Variants in DAPK2 observed in about 807,000 individuals in gnomAD.
DAPK2 encodes death-associated protein kinase 2.
A neutral mutation model predicts 44.1 loss-of-function variants in DAPK2; 35 were observed. The observed-to-expected ratio is 0.79, with a 90% CI of 0.61 to 1.05. DAPK2 has a LOEUF of 1.05. DAPK2 is among the 50% of genes least tolerant of loss of function. The probability of loss-of-function intolerance (pLI) is 0.00; values close to 1 mark genes in which losing one functional copy is unlikely to be tolerated. For missense variants in DAPK2, 453 were observed against 483.2 expected (o/e 0.94, Z 0.59); for synonymous variants, 174 against 182.6 (o/e 0.95, Z 0.38).
In DAPK2 at chr15:63,912,189, G is replaced by T; in HGVS notation, c.867C>A (p.Asp289Glu). Residue 289 changes from aspartate (D) to glutamate (E), a missense_variant, in exon 9 of 11, where the codon GAC becomes GAA. By Grantham distance (45) the Asp-to-Glu change is conservative. Coordinates refer to ENST00000261891, the Ensembl canonical transcript of DAPK2. The surrounding 1 kb of genome is among the most constrained non-coding windows in gnomAD (Gnocchi z 4.4). ...CCCTGCGCACCATGGCTTGCTGGTT[G>T]TCCACCGGCTGAGAGACAAAGCAGA... The T allele has an allele frequency of 6.8e-6, 11 of 1,613,594 alleles. No individual in the cohort carries two copies. The highest frequency in any genetic ancestry group is 9.3e-6 in the Non-Finnish European group (11 of 1,179,862).
At position 63,912,959 on chromosome 15, in the gene DAPK2, G is replaced by T. The variant is rs11858057; in HGVS notation, c.859-762C>A. Among the ~76,000 whole-genome samples, 1 of 152,018 alleles carries T rather than the reference G, an allele frequency of 6.6e-6. No homozygotes were observed. Among genetic ancestry groups the T allele is most frequent in the African/African-American group, 2.4e-5 (1 of 41,358 alleles). On this transcript the variant is annotated intron_variant, in intron 8 of 10. Transcript: ENST00000261891. This position sits in a 1 kb window ranked among gnomAD's most constrained non-coding sequence, Gnocchi z 4.4. ...TTGTGAAATCAAGAGATAGGTTTCA[G>T]GGGTTCTGTGAACAAAATGTGCCTA...
At position 63,926,999 on chromosome 15, in the gene DAPK2, T is replaced by G. The variant is rs1360414077; in HGVS notation, c.660-906A>C. Among the ~76,000 whole-genome samples the G allele has an allele frequency of 1.3e-5, 2 of 152,202 alleles. 1 individual carries two copies. Among genetic ancestry groups the G allele is most frequent in the Non-Finnish European group, 2.9e-5 (2 of 68,038 alleles). Reference sequence around the variant, plus strand: ...TGGCAGCAAGGTGCACTGTACAAATTTTGGTGTTGCAATCCTGGGTTTGAA... The same window carrying G: ...TGGCAGCAAGGTGCACTGTACAAATGTTGGTGTTGCAATCCTGGGTTTGAA... On this transcript the variant is annotated intron_variant, in intron 6 of 10. Coordinates refer to ENST00000261891, the Ensembl canonical transcript of DAPK2.
At chr15:64,029,573 A>G (rs2079952370) in intron 1 of DAPK2, among the ~76,000 whole-genome samples, 1 of 152,190 alleles carries the variant, frequency 6.6e-6, no homozygotes. Context: ...TAGTCTAGGT[A>G]CATCTCATTT....
intron 8 of DAPK2, chr15:63,922,515 G>A: frequency 1.5e-6 from 2 of 1,347,076 alleles, no homozygotes; most frequent in Non-Finnish European, 1.9e-6. Flanking sequence ...CAGCTTGGCT[G>A]CCCTGCCAGA....
intron 1 of DAPK2, among the ~76,000 whole-genome samples, chr15:64,045,812 G>A (rs2080448827): frequency 6.6e-6 from 1 of 152,166 alleles, no homozygotes; most frequent in South Asian, 2.1e-4. Flanking sequence ...TCTACCCCAG[G>A]CCGGGGCGCC....
intron 1 of DAPK2, among the ~76,000 whole-genome samples, chr15:64,016,818 G>A (rs1003819334): frequency 1.4e-5 from 2 of 138,288 alleles, no homozygotes; most frequent in East Asian, 4.0e-4. Flanking sequence ...AGGGGAAGGG[G>A]AAGGGGAAGG....
intron 8 of DAPK2, chr15:63,918,877 AT>A (rs1309158451): frequency 6.6e-6 from 1 of 152,234 alleles, no homozygotes; most frequent in Non-Finnish European, 1.5e-5. Flanking sequence ...AATTTGGTGA[AT>A]TAAAAATCCT....
At chr15:64,014,927 CAAAA>C in intron 1 of DAPK2, among the ~76,000 whole-genome samples, 1 of 120,306 alleles carries the variant, frequency 8.3e-6, no homozygotes, top group Non-Finnish European at 1.7e-5. Context: ...GACTCCATCT[CAAAA>C]AAAAAAAAAA....
intron 1 of DAPK2, among the ~76,000 whole-genome samples, chr15:64,014,425 C>T (rs2079467831): frequency 6.6e-6 from 1 of 152,196 alleles, no homozygotes; most frequent in African/African-American, 2.4e-5. Flanking sequence ...AATGAAAACC[C>T]TGGGAGTAGG....
intron 1 of DAPK2, among the ~76,000 whole-genome samples, chr15:64,031,049 C>T (rs2080000382): frequency 6.6e-6 from 1 of 150,860 alleles, no homozygotes; most frequent in African/African-American, 2.4e-5. Context: ...ACAGTATGAG[C>T]TTTGTAATCT....
intron 7 of DAPK2, 37 bp downstream of exon 8, chr15:63,925,904 A>T: frequency 6.2e-7 from 1 of 1,613,646 alleles, no homozygotes; most frequent in Non-Finnish European, 8.5e-7. Flanking sequence ...GGAAGGGATC[A>T]GTACCTGAGA....
chr15:64,002,973 CCTGT>C (rs148707050), intron 1 of DAPK2, among the ~76,000 whole-genome samples: 35,186 of 75,444 alleles, frequency 0.47, 8,011 homozygotes, highest in Non-Finnish European at 0.56. Context: ...TGTCGTGGGA[CCTGT>C]GTGTGTGTGT....
At chr15:63,922,545 T>G in intron 8 of DAPK2, 3 of 1,360,434 alleles carry the variant, frequency 2.2e-6, no homozygotes, top group Non-Finnish European at 9.4e-7. Context: ...GAAAACCAGA[T>G]TGGTGAGGGG....
intron 1 of DAPK2, among the ~76,000 whole-genome samples, chr15:63,999,510 C>A (rs1200388848): frequency 6.6e-6 from 1 of 152,236 alleles, no homozygotes; most frequent in Non-Finnish European, 1.5e-5. Context: ...TCCCTTACTT[C>A]TATTCCTGTG....
At chr15:64,030,736 G>A (rs986690552) in intron 1 of DAPK2, among the ~76,000 whole-genome samples, 1 of 152,004 alleles carries the variant, frequency 6.6e-6, no homozygotes, top group Non-Finnish European at 1.5e-5. Flanking sequence ...ATTAGGCTGA[G>A]GCGAAAAGAG....
chr15:64,010,071 T>C (rs117809818), intron 1 of DAPK2, among the ~76,000 whole-genome samples: 2 of 152,154 alleles, frequency 1.3e-5, no homozygotes, highest in Non-Finnish European at 2.9e-5. Context: ...TATAAACCAG[T>C]GTTTCTCAAA....
chr15:63,995,384 T>C (rs571167005), intron 1 of DAPK2, among the ~76,000 whole-genome samples: 1 of 152,388 alleles, frequency 6.6e-6, no homozygotes, highest in Admixed American at 6.5e-5. Flanking sequence ...TCAAATATGT[T>C]GAAAAGATTT....
At chr15:63,926,233 C>G in intron 6 of DAPK2, 140 bp from the exon 8 acceptor site, 2 of 848,204 alleles carry the variant, frequency 2.4e-6, no homozygotes, top group Non-Finnish European at 3.6e-6. Context: ...CTCTGGGCAG[C>G]CAACCAGCAG....
At chr15:63,988,466 T>G (rs2078723968) in intron 1 of DAPK2, among the ~76,000 whole-genome samples, 1 of 151,998 alleles carries the variant, frequency 6.6e-6, no homozygotes, top group Non-Finnish European at 1.5e-5. Context: ...ATCAATTTTG[T>G]ATAGCAATGT....
Sources: gnomAD v4.1 joint callset for allele counts (sites outside exome capture counted in the v4.1 genomes callset) on GRCh38, gnomAD v4.1.1 for gene constraint, Gnocchi (gnomAD v3.1) non-coding constraint, MANE v1.5 for transcripts, NCBI Gene and HGNC (gene_info 2026-07-23, HGNC 2026-07-21) for gene names.